Variants in COMMD1 observed in about 807,000 individuals in gnomAD.
The protein encoded by COMMD1 is copper metabolism domain containing 1.
Under a neutral mutation model 17.2 loss-of-function variants are expected in COMMD1, and 10 were observed. The ratio of observed to expected loss-of-function variants is 0.58; its 90% CI spans 0.36 to 0.99. The LOEUF (loss-of-function observed/expected upper bound fraction) is 0.99. Among genes scored for constraint, COMMD1 ranks in the 50% least tolerant of loss-of-function variants. COMMD1 has a pLI of 0.01. For synonymous variants in COMMD1, 97 were observed against 91.6 expected (o/e 1.06, Z -0.34); for missense variants, 270 against 231.8 (o/e 1.17, Z -1.07).
chr2:61,940,999 T>C (rs888349903), intron 1 of COMMD1, among the ~76,000 whole-genome samples: 1 of 151,380 alleles, frequency 6.6e-6, no homozygotes, highest in Non-Finnish European at 1.5e-5. Flanking sequence ...GGGTGAATTC[T>C]TTCGCTCCCT....
chr2:61,900,113 G>A (rs1669628158), intron 1 of COMMD1, among the ~76,000 whole-genome samples: 1 of 152,208 alleles, frequency 6.6e-6, no homozygotes, highest in Non-Finnish European at 1.5e-5. Flanking sequence ...GGGCCAATGT[G>A]ACTGATCACA....
intron 2 of COMMD1, among the ~76,000 whole-genome samples, chr2:62,009,608 A>C (rs908107189): frequency 1.3e-5 from 2 of 151,822 alleles, no homozygotes; most frequent in Admixed American, 6.6e-5. Flanking sequence ...TCTCAAAAAA[A>C]AAAAAAAAAA....
chr2:62,117,260 C>T (rs1672634202), intron 2 of COMMD1, among the ~76,000 whole-genome samples: 2 of 152,216 alleles, frequency 1.3e-5, no homozygotes, highest in South Asian at 2.1e-4. Flanking sequence ...TGCTAGAAAT[C>T]TACCAAAATG....
In COMMD1 at chr2:62,000,837, G is replaced by T. The variant is rs1056325217; in HGVS notation, c.317G>T (p.Arg106Leu). 2 of 1,614,108 alleles carry T rather than the reference G, an allele frequency of 1.2e-6. No individual in the cohort carries two copies. The highest frequency in any genetic ancestry group is 1.7e-6 in the Non-Finnish European group (2 of 1,180,022). Residue 106 changes from arginine to leucine, a missense_variant, in exon 2 of 3, where the codon CGT (arginine) becomes CTT (leucine). By Grantham distance (102) the Arg-to-Leu change is moderately radical (BLOSUM62 -2). Coordinates refer to ENST00000311832, the MANE Select transcript of COMMD1 (RefSeq NM_152516.4). ...TGGAAGAGCCACAAGACAAAAATCC[G>T]TGAGAGCCTCATGAACCAGAGCCGC... ...KFWKSHKTKI[R>L]ESLMNQSRWN...
At position 62,064,440 on chromosome 2, in the gene COMMD1, C is replaced by G. The variant is rs576227317; in HGVS notation, c.462+63458C>G. Among the ~76,000 whole-genome samples the G allele has an allele frequency of 5.3e-5, 8 of 152,320 alleles. No individual in the cohort carries two copies. The East Asian group carries it at 7.7e-4, about 15-fold the overall frequency. ...CCACCCACCTTGGCCTCCCAAAGTG[C>G]TGGGATTATAGGCATGTGCCACCAT... On this transcript the variant is annotated intron_variant, in intron 2 of 2. Transcript: ENST00000311832.
At chr2:61,930,482 T>A (rs989568362) in intron 1 of COMMD1, among the ~76,000 whole-genome samples, 6 of 152,048 alleles carry the variant, frequency 3.9e-5, no homozygotes, top group African/African-American at 1.4e-4. Flanking sequence ...CTTGAACCTG[T>A]GAGGCGGAGG....
chr2:62,015,449 C>T (rs545213955), intron 2 of COMMD1, among the ~76,000 whole-genome samples: 1 of 152,282 alleles, frequency 6.6e-6, no homozygotes, highest in African/African-American at 2.4e-5. Context: ...GTTGTTTCCA[C>T]CTTTTGGCTC....
At chr2:61,908,805 G>T (rs1371972495) in intron 1 of COMMD1, among the ~76,000 whole-genome samples, 1 of 151,660 alleles carries the variant, frequency 6.6e-6, no homozygotes, top group African/African-American at 2.4e-5. Flanking sequence ...CTGACCTCGT[G>T]AGCCACCTGC....
intron 1 of COMMD1, among the ~76,000 whole-genome samples, chr2:61,958,699 G>A (rs1003694824): frequency 4.6e-5 from 7 of 152,104 alleles, no homozygotes; most frequent in Non-Finnish European, 1.0e-4. Flanking sequence ...GTCAGAATGT[G>A]TTAGATCATA....
At chr2:62,097,073 G>A (rs2104011855) in intron 2 of COMMD1, among the ~76,000 whole-genome samples, 1 of 152,326 alleles carries the variant, frequency 6.6e-6, no homozygotes, top group African/African-American at 2.4e-5. Flanking sequence ...ACATAAATCA[G>A]TAACAGAGAA....
chr2:62,009,201 C>G (rs1400422195), intron 2 of COMMD1, among the ~76,000 whole-genome samples: 1 of 152,100 alleles, frequency 6.6e-6, no homozygotes, highest in Non-Finnish European at 1.5e-5. Context: ...TTTTGTAGCT[C>G]TAAGAAGTGT....
chr2:62,049,002 A>G (rs1330069261), intron 2 of COMMD1, among the ~76,000 whole-genome samples: 2 of 152,162 alleles, frequency 1.3e-5, no homozygotes, highest in Non-Finnish European at 2.9e-5. Flanking sequence ...TTTAGATGTT[A>G]TTGAACTAGT....
intron 1 of COMMD1, among the ~76,000 whole-genome samples, chr2:61,940,818 C>G (rs1670725471): frequency 6.6e-6 from 1 of 151,456 alleles, no homozygotes; most frequent in Admixed American, 6.6e-5. Flanking sequence ...TCCCGAGTAG[C>G]TAGGACTACA....
At chr2:62,018,932 T>C (rs1669528793) in intron 2 of COMMD1, among the ~76,000 whole-genome samples, 1 of 152,154 alleles carries the variant, frequency 6.6e-6, no homozygotes, top group Admixed American at 6.5e-5. Context: ...GTGCCTTGAA[T>C]ACTGCATCCT....
chr2:61,909,577 T>C (rs1202609175), intron 1 of COMMD1, among the ~76,000 whole-genome samples: 1 of 152,110 alleles, frequency 6.6e-6, no homozygotes, highest in Non-Finnish European at 1.5e-5. Flanking sequence ...ATGTGGAGTA[T>C]TGGTGGAGGA....
chr2:61,962,243 G>A (rs561014045), intron 1 of COMMD1, among the ~76,000 whole-genome samples: 2 of 152,164 alleles, frequency 1.3e-5, no homozygotes, highest in Admixed American at 6.5e-5. Context: ...CTGCTTGGAA[G>A]TCCTGCTGCC....
upstream of COMMD1, chr2:61,888,536 C>G (rs1208473300): frequency 1.2e-6 from 2 of 1,602,070 alleles, no homozygotes; most frequent in Admixed American, 1.7e-5. Flanking sequence ...TGGGTTGGCT[C>G]GGGAAGGACG....
intron 2 of COMMD1, among the ~76,000 whole-genome samples, chr2:62,081,942 A>G (rs1345117539): frequency 6.6e-6 from 1 of 152,150 alleles, no homozygotes; most frequent in Non-Finnish European, 1.5e-5. Context: ...TTTGGCATTA[A>G]CATTAAATTT....
chr2:62,093,195 T>A (rs1258384312), intron 2 of COMMD1, among the ~76,000 whole-genome samples: 1 of 152,120 alleles, frequency 6.6e-6, no homozygotes, highest in Non-Finnish European at 1.5e-5. Context: ...AAGACCAGCA[T>A]GTATTTGAAA....
Sources: gnomAD v4.1 joint callset for allele counts (sites outside exome capture counted in the v4.1 genomes callset) on GRCh38, gnomAD v4.1.1 for gene constraint, MANE v1.5 for transcripts, NCBI Gene and HGNC (gene_info 2026-07-23, HGNC 2026-07-21) for gene names.